AASDHPPT: variants seen among roughly 807,000 people sequenced by gnomAD.
AASDHPPT encodes aminoadipate-semialdehyde dehydrogenase-phosphopantetheinyl transferase, also known as L-aminoadipate-semialdehyde dehydrogenase-phosphopantetheinyl transferase.
AASDHPPT carries 23 observed loss-of-function variants against 36.4 expected under a neutral mutation model. That is an observed-to-expected ratio of 0.63 (90% CI 0.45 to 0.89). AASDHPPT has a LOEUF of 0.89. Among genes scored for constraint, AASDHPPT ranks in the 40% least tolerant of loss-of-function variants. The pLI, the probability that AASDHPPT is intolerant of heterozygous loss-of-function variation, is 0.00. For synonymous variants in AASDHPPT, 115 were observed against 128.0 expected, an observed-to-expected ratio of 0.90 and a Z score of 0.68; for missense variants, 377 against 378.2, an observed-to-expected ratio of 1.00 and a Z score of 0.03.
rs1387861008 is a variant in AASDHPPT at position 106,097,112 on chromosome 11, A to G, written c.*205A>G. The stretch of plus-strand genomic sequence containing the variant: ...TTTACCTCTTTCTTTCCTAAATTGC[A>G]TTGAATTGATAGGAAGGATGGCGGA... On this transcript the variant is annotated 3_prime_UTR_variant, in exon 6 of 6. Transcript: ENST00000278618. 4.3e-6 allele frequency: 2 copies of G among 462,374 alleles called. No homozygotes were observed. Among genetic ancestry groups the G allele is most frequent in the Non-Finnish European group, 7.4e-6 (2 of 270,846 alleles). The allele number at this position is 462,374 out of a possible 1,614,324, so 28.6% of individuals were successfully genotyped here. A position where few individuals can be genotyped will look rare whatever the true frequency, so the allele number is the denominator to read the frequency against.
chr11:106,096,262 A>G (rs1861312039), intron 5 of AASDHPPT, among the ~76,000 whole-genome samples: 1 of 152,174 alleles, frequency 6.6e-6, no homozygotes, highest in Non-Finnish European at 1.5e-5. Context: ...TCAGAGAGTA[A>G]GATACAGTTT....
At chr11:106,095,829 T>C (rs1861306651) in intron 5 of AASDHPPT, 1 of 152,226 alleles carries the variant, frequency 6.6e-6, no homozygotes, top group African/African-American at 2.4e-5. Context: ...TCCTTCTGTT[T>C]TTAAATCTCA....
At chr11:106,090,728 T>A in intron 3 of AASDHPPT, 50 bp downstream of exon 3, 1 of 1,550,164 alleles carries the variant, frequency 6.5e-7, no homozygotes, top group Non-Finnish European at 8.6e-7. Flanking sequence ...GATTCCATTA[T>A]CTTCACTTAA....
At chr11:106,079,069 A>G (rs1193666068) in intron 1 of AASDHPPT, among the ~76,000 whole-genome samples, 1 of 152,252 alleles carries the variant, frequency 6.6e-6, no homozygotes, top group Non-Finnish European at 1.5e-5. Flanking sequence ...TGCATGGACC[A>G]GACGTGTGTG....
intron 4 of AASDHPPT, chr11:106,093,555 A>C (rs1156522213): frequency 6.6e-6 from 1 of 152,128 alleles, no homozygotes; most frequent in Non-Finnish European, 1.5e-5. Flanking sequence ...ATTTATCCTT[A>C]CTGAATTTCA....
chr11:106,089,265 T>C (rs1331466782), intron 2 of AASDHPPT, among the ~76,000 whole-genome samples: 1 of 151,986 alleles, frequency 6.6e-6, no homozygotes, highest in Non-Finnish European at 1.5e-5. Context: ...GAAATGCCCA[T>C]AGAGTGTGTG....
chr11:106,096,954 C>G lies in AASDHPPT; in HGVS notation c.*47C>G. 1 of 1,491,226 alleles carries G rather than the reference C, an allele frequency of 6.7e-7. No individual in the cohort carries two copies. The highest frequency in any genetic ancestry group is 9.0e-7 in the Non-Finnish European group (1 of 1,115,612). The allele number at this position is 1,491,226 out of a possible 1,614,324, so 92.4% of individuals were successfully genotyped here. A position where few individuals can be genotyped will look rare whatever the true frequency, so the allele number is the denominator to read the frequency against. ...GAAATGAAAACTGTTTGTGATCTTC[C>G]GTATTCACTGAAAAATAAATGCTTG... is the stretch of plus-strand genomic sequence containing the variant. On this transcript the variant is annotated 3_prime_UTR_variant, in exon 6 of 6. Coordinates refer to ENST00000278618, the MANE Select transcript of AASDHPPT (RefSeq NM_015423.3).
chr11:106,086,437 T>G (rs1467037939), intron 2 of AASDHPPT: 1 of 152,176 alleles, frequency 6.6e-6, no homozygotes, highest in African/African-American at 2.4e-5. Context: ...GATCTTAACT[T>G]GATTACATCT....
chr11:106,094,401 C>A, intron 4 of AASDHPPT, 182 bp from the exon 5 acceptor site: 1 of 433,264 alleles, frequency 2.3e-6, no homozygotes. Context: ...AAAGGGCCAG[C>A]ACATATGTAA....
chr11:106,084,509 G>A (rs972619691), intron 2 of AASDHPPT, among the ~76,000 whole-genome samples: 3 of 152,076 alleles, frequency 2.0e-5, no homozygotes, highest in Non-Finnish European at 4.4e-5. Context: ...TGTTGCCTAG[G>A]CTAGTATTGA....
Position 106,077,768 on chromosome 11 carries a change from G to T in AASDHPPT, c.58G>T (p.Ala20Ser). Reference sequence around the variant, plus strand: ...GCCATCCATGGAGGGCGTGCGCTGGGCCTTTTCCTGCGGCACTTGGCTGCC... The same window carrying T: ...GCCATCCATGGAGGGCGTGCGCTGGTCCTTTTCCTGCGGCACTTGGCTGCC... Reference protein sequence around the residue: ...LVPSMEGVRWAFSCGTWLPSR... With the variant: ...LVPSMEGVRWSFSCGTWLPSR... The change falls in exon 1 of 6, where the codon GCC becomes TCC. Residue 20 changes from alanine (A) to serine (S), a missense_variant. Physicochemically the swap from Ala to Ser is moderately conservative, Grantham distance 99. Transcript: ENST00000278618. 1 of 1,614,134 alleles carries T rather than the reference G, an allele frequency of 6.2e-7. No homozygotes were observed. The highest frequency in any genetic ancestry group is 1.1e-5 in the South Asian group (1 of 91,084).
intron 2 of AASDHPPT, 72 bp downstream of exon 2, chr11:106,079,764 C>T: frequency 7.6e-7 from 1 of 1,320,132 alleles, no homozygotes; most frequent in Non-Finnish European, 1.1e-6. Context: ...TGAGTAATCT[C>T]AGGCCAGGAG....
At chr11:106,081,233 A>G (rs1008982892) in intron 2 of AASDHPPT, among the ~76,000 whole-genome samples, 3 of 152,116 alleles carry the variant, frequency 2.0e-5, no homozygotes, top group African/African-American at 4.8e-5. Flanking sequence ...GCATTTTCCT[A>G]CTAGCTACTC....
chr11:106,096,858 GT>G lies in AASDHPPT; in HGVS notation c.886del (p.Cys296AlafsTer24). 6.2e-7 allele frequency: 1 copy of G among 1,610,976 alleles called. No homozygotes were observed. The highest frequency in any genetic ancestry group is 1.7e-5 in the Admixed American group (1 of 59,308). On this transcript the variant is annotated frameshift_variant, in exon 6 of 6. Coordinates refer to ENST00000278618, the MANE Select transcript of AASDHPPT (RefSeq NM_015423.3). LOFTEE classifies it high-confidence loss of function. Reference protein sequence around the residue: ...MTPEDPSFWDCFCFTEEIPIR... With the variant: ...MTPEDPSFWDXFCFTEEIPIR... ...CCTGAAGATCCTTCATTTTGGGACTGTTTTTGCTTCACAGAAGAAATTCCAA... is the reference window on the plus strand; with the variant it reads ...CCTGAAGATCCTTCATTTTGGGACTGTTTTGCTTCACAGAAGAAATTCCAA...
chr11:106,086,316 T>G (rs1861196333), intron 2 of AASDHPPT: 2 of 152,256 alleles, frequency 1.3e-5, no homozygotes, highest in African/African-American at 4.8e-5. Context: ...ATCACTCCAA[T>G]TTTTGCCTTC....
At position 106,097,007 on chromosome 11, in the gene AASDHPPT, G is replaced by A. The variant is rs898017293; in HGVS notation, c.*100G>A. Reference sequence around the variant, plus strand: ...TAGTATCAAATTTTATTTCACGAAAGTTTTTTTAAAGAACAGAAACTTTTC... The same window carrying A: ...TAGTATCAAATTTTATTTCACGAAAATTTTTTTAAAGAACAGAAACTTTTC... On this transcript the variant is annotated 3_prime_UTR_variant, in exon 6 of 6. Transcript: ENST00000278618. 17 of 1,228,020 alleles carry A rather than the reference G, an allele frequency of 1.4e-5. No individual in the cohort carries two copies. The highest frequency in any genetic ancestry group is 2.0e-4 in the Middle Eastern group (1 of 4,916). The allele number at this position is 1,228,020 out of a possible 1,614,324, so 76.1% of individuals were successfully genotyped here. A position where few individuals can be genotyped will look rare whatever the true frequency, so the allele number is the denominator to read the frequency against.
intron 5 of AASDHPPT, 38 bp from the exon 6 acceptor site, chr11:106,096,705 G>A (rs747077252): frequency 4.1e-6 from 6 of 1,464,392 alleles, no homozygotes; most frequent in East Asian, 2.5e-5. Flanking sequence ...AGATTAACAT[G>A]CAATATAACA....
At position 106,096,793 on chromosome 11, in the gene AASDHPPT, C is replaced by T. The variant is rs1290419974; in HGVS notation, c.816C>T (p.Leu272=). 2 of 1,609,270 alleles carry T rather than the reference C, an allele frequency of 1.2e-6. No individual in the cohort carries two copies. Among genetic ancestry groups the T allele is most frequent in the South Asian group, 2.2e-5 (2 of 90,026 alleles). The part of the protein sequence containing the change: ...SKPTQRQFTI[L]NFNDLMSSAV... ...CAACCCAGAGGCAATTTACTATTCT[C>T]AACTTTAATGATTTAATGTCATCTG... The change falls in exon 6 of 6, where the codon CTC becomes CTT. Residue 272 remains leucine, a synonymous_variant. Coordinates refer to ENST00000278618, the MANE Select transcript of AASDHPPT (RefSeq NM_015423.3).
chr11:106,091,323 AG>A lies in AASDHPPT; in HGVS notation c.541del (p.Glu181LysfsTer4). 1 of 1,590,998 alleles carries A rather than the reference AG, an allele frequency of 6.3e-7. No individual in the cohort carries two copies. Among genetic ancestry groups the A allele is most frequent in the Non-Finnish European group, 8.5e-7 (1 of 1,173,678 alleles). The stretch of plus-strand genomic sequence containing the variant: ...TGTCTTTCTGTATCTTAGGCACTTA[AG>A]GAAAGCTTCATAAAAGCCATTGGTG... ...LDMFYRNWAL[K>X]ESFIKAIGVG... On this transcript the variant is annotated frameshift_variant, in exon 4 of 6. Transcript: ENST00000278618. LOFTEE classifies it high-confidence loss of function.
Sources: gnomAD v4.1 joint callset for allele counts (sites outside exome capture counted in the v4.1 genomes callset) on GRCh38, gnomAD v4.1.1 for gene constraint, MANE v1.5 for transcripts, NCBI Gene and HGNC (gene_info 2026-07-23, HGNC 2026-07-21) for gene names.